The following ZBTB49 variants were observed in gnomAD, a reference collection of about 807,000 sequenced individuals.
The protein encoded by ZBTB49 is zinc finger and BTB domain-containing protein 49.
Under a neutral mutation model 57.5 loss-of-function variants are expected in ZBTB49, and 43 were observed. The ratio of observed to expected loss-of-function variants is 0.75; its 90% CI spans 0.59 to 0.97. ZBTB49 has a LOEUF of 0.97. Among genes scored for constraint, ZBTB49 ranks in the 50% least tolerant of loss-of-function variants. The probability of loss-of-function intolerance (pLI) is 0.00; values close to 1 mark genes in which losing one functional copy is unlikely to be tolerated. For missense variants in ZBTB49, 938 were observed against 947.7 expected (o/e 0.99, Z 0.13); for synonymous variants, 369 against 362.1 (o/e 1.02, Z -0.22).
At chr4:4,294,842 T>C (rs546670873) in intron 1 of ZBTB49, among the ~76,000 whole-genome samples, 1 of 151,562 alleles carries the variant, frequency 6.6e-6, no homozygotes, top group Admixed American at 6.6e-5. Context: ...CATTTTTACC[T>C]AATTTTAACA....
rs574180056 is a variant in ZBTB49, at chr4:4,304,303, G to A, written c.1255+1212G>A. On this transcript the variant is annotated intron_variant, in intron 3 of 7. Transcript: ENST00000337872. Reference sequence around the variant, plus strand: ...TGCAGTGGCACAATCTCGGCTCACTGCAACCTCTGCCTCCTGGGTTCAATT... The same window carrying A: ...TGCAGTGGCACAATCTCGGCTCACTACAACCTCTGCCTCCTGGGTTCAATT... 6.0e-4 allele frequency among the ~76,000 whole-genome samples: 90 copies of A among 149,954 alleles called. 1 individual carries two copies. The highest frequency in any genetic ancestry group is 7.1e-4 in the Non-Finnish European group (48 of 67,822).
Position 4,320,635 on chromosome 4 carries a change from T to A in ZBTB49, c.1622-5T>A. On this transcript the variant is annotated splice_region_variant and splice_polypyrimidine_tract_variant and intron_variant, in intron 7 of 7. Transcript: ENST00000337872. ...GTAAATAAATAACTGTTTTTCTTTT[T>A]CCAGGGAAATGTTTTGGGGGATCAG... 2 of 1,613,462 alleles carry A rather than the reference T, an allele frequency of 1.2e-6. No individual in the cohort carries two copies. The highest frequency in any genetic ancestry group is 1.7e-6 in the Non-Finnish European group (2 of 1,179,912).
intron 3 of ZBTB49, among the ~76,000 whole-genome samples, chr4:4,304,744 G>A (rs1304238838): frequency 3.3e-5 from 5 of 152,136 alleles, no homozygotes; most frequent in Non-Finnish European, 7.4e-5. Flanking sequence ...TGTCTAAGAT[G>A]TTAGTTGTTT....
chr4:4,313,994 C>T (rs1215244727), intron 5 of ZBTB49, among the ~76,000 whole-genome samples: 1 of 152,188 alleles, frequency 6.6e-6, no homozygotes, highest in Non-Finnish European at 1.5e-5. Flanking sequence ...ACCGAAGTGC[C>T]TTGAGGCAAG....
At chr4:4,298,746 CAT>C (rs1720334290) in intron 1 of ZBTB49, among the ~76,000 whole-genome samples, 1 of 152,258 alleles carries the variant, frequency 6.6e-6, no homozygotes. Flanking sequence ...GCCTAACCTT[CAT>C]AGTCTTGTCC....
chr4:4,313,744 C>A (rs1404828500), intron 5 of ZBTB49, among the ~76,000 whole-genome samples: 1 of 152,192 alleles, frequency 6.6e-6, no homozygotes, highest in Non-Finnish European at 1.5e-5. Flanking sequence ...CCTTCCTGTC[C>A]TTGGGCTGTA....
At chr4:4,298,857 A>G (rs1720339403) in intron 1 of ZBTB49, among the ~76,000 whole-genome samples, 1 of 152,200 alleles carries the variant, frequency 6.6e-6, no homozygotes, top group Non-Finnish European at 1.5e-5. Context: ...TGGCCTGTGT[A>G]TACCAGTGTC....
intron 1 of ZBTB49, among the ~76,000 whole-genome samples, chr4:4,294,138 C>A (rs897492491): frequency 6.6e-6 from 1 of 152,096 alleles, no homozygotes; most frequent in Non-Finnish European, 1.5e-5. Context: ...ATAATCATTA[C>A]TATTATTAGG....
intron 7 of ZBTB49, among the ~76,000 whole-genome samples, chr4:4,316,817 A>G (rs140631125): frequency 1.3e-5 from 2 of 152,326 alleles, no homozygotes; most frequent in East Asian, 3.9e-4. Context: ...CTGGATACAG[A>G]TTTAGGCAAC....
chr4:4,301,575 G>A (rs1161959317), intron 2 of ZBTB49, among the ~76,000 whole-genome samples: 6 of 151,866 alleles, frequency 4.0e-5, no homozygotes, highest in Non-Finnish European at 1.5e-5. Flanking sequence ...TTAATTTTGT[G>A]TACTCTATTA....
rs1553803052 is a variant in ZBTB49, at chr4:4,294,872, C to CGTGTATGTGTGTGTGTGTGT, written c.-20+4524_-20+4525insATGTGTGTGTGTGTGTGTGT. Among the ~76,000 whole-genome samples the CGTGTATGTGTGTGTGTGTGT allele has an allele frequency of 2.4e-4, 33 of 138,128 alleles. No individual in the cohort carries two copies. In the East Asian group the frequency reaches 2.4e-3, roughly 10 times the overall value. The allele number at this position is 138,128 out of a possible 152,430, so 90.6% of individuals were successfully genotyped here. A position where few individuals can be genotyped will look rare whatever the true frequency, so the allele number is the denominator to read the frequency against. ...TTAACAGGTCTGTGGAGGAGGGTTT[C>CGTGTATGTGTGTGTGTGTGT]GTGTGTGTGTGTGTGTGTGTGTGTG... is the stretch of plus-strand genomic sequence containing the variant. On this transcript the variant is annotated intron_variant, in intron 1 of 7. Transcript: ENST00000337872.
At position 4,302,261 on chromosome 4, in the gene ZBTB49, C is replaced by A. The variant is rs1560107694; in HGVS notation, c.425C>A (p.Pro142Gln). 6.2e-7 allele frequency: 1 copy of A among 1,614,228 alleles called. No homozygotes were observed. Among genetic ancestry groups the A allele is most frequent in the East Asian group, 2.2e-5 (1 of 44,890 alleles). The change falls in exon 3 of 8, where the codon CCA (proline) becomes CAA (glutamine). Residue 142 changes from proline to glutamine, a missense_variant. Around this residue, in one of 3 missense-constraint regions of ZBTB49, gnomAD observed 835 missense variants for 819.1 expected, o/e 1.02. Transcript: ENST00000337872. Reference sequence around the variant, plus strand: ...TTGTCTCTACAAAGCACCCTGACCCCAGATGCCACTTGTGTTATCAGTGAA... The same window carrying A: ...TTGTCTCTACAAAGCACCCTGACCCAAGATGCCACTTGTGTTATCAGTGAA... ...STLSLQSTLT[P>Q]DATCVISENY...
At chr4:4,315,574 A>C in intron 5 of ZBTB49, 62 bp from the exon 6 acceptor site, 1 of 1,516,976 alleles carries the variant, frequency 6.6e-7, no homozygotes, top group Non-Finnish European at 9.0e-7. Context: ...AGAGAGTTGC[A>C]GTTATAAAGA....
At chr4:4,298,467 C>T (rs1296729202) in intron 1 of ZBTB49, among the ~76,000 whole-genome samples, 2 of 67,584 alleles carry the variant, frequency 3.0e-5, no homozygotes, top group African/African-American at 6.3e-5. Flanking sequence ...GTCACCCAGG[C>T]TGGAGGGCGA....
intron 1 of ZBTB49, among the ~76,000 whole-genome samples, chr4:4,296,415 C>T (rs1416990328): frequency 5.9e-5 from 9 of 152,178 alleles, no homozygotes; most frequent in Non-Finnish European, 1.0e-4. Context: ...GTGGGTCTTT[C>T]CCACGCTGTT....
At chr4:4,303,780 C>CTATA (rs1434243483) in intron 3 of ZBTB49, among the ~76,000 whole-genome samples, 7 of 67,138 alleles carry the variant, frequency 1.0e-4, no homozygotes, top group African/African-American at 1.7e-4. Context: ...GTCTCTCTCT[C>CTATA]TCTCTATATA....
Position 4,307,077 on chromosome 4 carries a change from C to T in ZBTB49, c.1302+893C>T, listed in dbSNP as rs541360826. On this transcript the variant is annotated intron_variant, in intron 4 of 7. Coordinates refer to ENST00000337872, the MANE Select transcript of ZBTB49 (RefSeq NM_145291.4). Reference sequence around the variant, plus strand: ...GTTGAGGGTGTCAGTTCCATTTGCTCACACACCCAAACCTGCCATCTTAAT... The same window carrying T: ...GTTGAGGGTGTCAGTTCCATTTGCTTACACACCCAAACCTGCCATCTTAAT... Among the ~76,000 whole-genome samples the T allele has an allele frequency of 5.9e-5, 9 of 152,380 alleles. No individual in the cohort carries two copies. In the South Asian group the frequency reaches 1.7e-3, roughly 28 times the overall value.
chr4:4,316,679 C>G (rs1721208223), intron 7 of ZBTB49, among the ~76,000 whole-genome samples: 1 of 152,168 alleles, frequency 6.6e-6, no homozygotes, highest in South Asian at 2.1e-4. Flanking sequence ...TGTAGGGAGC[C>G]TGGATTCAGG....
At chr4:4,315,501 A>T in intron 5 of ZBTB49, 135 bp from the exon 6 acceptor site, 1 of 807,722 alleles carries the variant, frequency 1.2e-6, no homozygotes, top group Non-Finnish European at 2.0e-6. Context: ...CACGTTTCAG[A>T]TGAAACCAGT....
Sources: allele counts gnomAD v4.1 joint callset (sites outside exome capture counted in the v4.1 genomes callset), GRCh38; gene constraint gnomAD v4.1.1; regional missense constraint gnomAD v4.1.1; transcripts MANE v1.5; gene names NCBI Gene and HGNC (gene_info 2026-07-23, HGNC 2026-07-21).